CSMD3: variants seen among roughly 807,000 people sequenced by gnomAD.
The protein encoded by CSMD3 is CUB and Sushi multiple domains 3, also known as CUB and sushi domain-containing protein 3.
CSMD3 carries 177 observed loss-of-function variants against 435.2 expected under a neutral mutation model. The ratio of observed to expected loss-of-function variants is 0.41; its 90% CI spans 0.36 to 0.46. The LOEUF (loss-of-function observed/expected upper bound fraction) is 0.46. Among genes scored for constraint, CSMD3 ranks in the 20% least tolerant of loss-of-function variants. CSMD3 has a pLI of 0.34. For missense variants in CSMD3, 4,265 were observed against 4,504.6 expected, an observed-to-expected ratio of 0.95 and a Z score of 1.52; for synonymous variants, 1,656 against 1,520.5, an observed-to-expected ratio of 1.09 and a Z score of -2.07.
At chr8:113,366,349 T>C (rs1398054999) in intron 1 of CSMD3, among the ~76,000 whole-genome samples, 1 of 151,974 alleles carries the variant, frequency 6.6e-6, no homozygotes, top group Non-Finnish European at 1.5e-5. Flanking sequence ...ACATTCATTT[T>C]GCTTCTATAG....
chr8:113,358,168 T>C (rs2094245689), intron 1 of CSMD3, among the ~76,000 whole-genome samples: 1 of 152,202 alleles, frequency 6.6e-6, no homozygotes, highest in Admixed American at 6.5e-5. Flanking sequence ...AATAGCACAA[T>C]ACCTAAATGA....
intron 61 of CSMD3, among the ~76,000 whole-genome samples, chr8:112,258,559 A>T (rs1185095364): frequency 2.0e-5 from 3 of 152,212 alleles, no homozygotes; most frequent in Admixed American, 2.0e-4. Flanking sequence ...GAGAAATGCA[A>T]CTCAAAACCA....
intron 13 of CSMD3, among the ~76,000 whole-genome samples, chr8:112,792,103 C>A (rs1366929785): frequency 6.6e-6 from 1 of 152,108 alleles, no homozygotes; most frequent in African/African-American, 2.4e-5. Flanking sequence ...AAATATGTTT[C>A]TGCAAATATT....
intron 16 of CSMD3, among the ~76,000 whole-genome samples, chr8:112,679,906 C>T (rs1340081823): frequency 2.6e-5 from 4 of 152,170 alleles, no homozygotes; most frequent in African/African-American, 9.7e-5. Context: ...TTTGGAGCTA[C>T]TTAGCATTAT....
chr8:112,762,621 C>G (rs2077869152), intron 13 of CSMD3, among the ~76,000 whole-genome samples: 1 of 151,850 alleles, frequency 6.6e-6, no homozygotes, highest in African/African-American at 2.4e-5. Flanking sequence ...GAATAGATTA[C>G]ATGAAATAAA....
intron 13 of CSMD3, among the ~76,000 whole-genome samples, chr8:112,738,296 G>T (rs951393325): frequency 1.3e-5 from 2 of 151,718 alleles, no homozygotes; most frequent in Admixed American, 6.6e-5. Flanking sequence ...GTGGTGGAAT[G>T]TCAAAGACGC....
At chr8:113,249,848 A>AC (rs1047373648) in intron 3 of CSMD3, among the ~76,000 whole-genome samples, 28 of 152,164 alleles carry the variant, frequency 1.8e-4, no homozygotes, top group African/African-American at 6.0e-4. Flanking sequence ...GAAAAAAAAA[A>AC]ACAACAATTT....
intron 1 of CSMD3, among the ~76,000 whole-genome samples, chr8:113,374,848 C>CAAAAAAAAAAAAAAA (rs1491428482): frequency 1.5e-5 from 1 of 64,578 alleles, no homozygotes; most frequent in African/African-American, 4.9e-5. Flanking sequence ...AAAAAAAAAA[C>CAAAAAAAAAAAAAAA]CAATAAAATG....
chr8:113,340,417 A>G (rs2094110381), intron 1 of CSMD3, among the ~76,000 whole-genome samples: 1 of 152,166 alleles, frequency 6.6e-6, no homozygotes, highest in Non-Finnish European at 1.5e-5. Flanking sequence ...ATTCATTTAG[A>G]GTAACCTACA....
intron 3 of CSMD3, among the ~76,000 whole-genome samples, chr8:113,267,792 C>T (rs79902625): frequency 0.066 from 10,007 of 151,492 alleles, 448 homozygotes; most frequent in Non-Finnish European, 0.094. Flanking sequence ...AGATTTCACA[C>T]GTATCTCATG....
intron 1 of CSMD3, among the ~76,000 whole-genome samples, chr8:113,431,717 T>TG (rs1372157482): frequency 1.3e-5 from 2 of 150,054 alleles, no homozygotes; most frequent in East Asian, 3.9e-4. Flanking sequence ...AGGTCAGAGT[T>TG]TTTTTTTTTC....
intron 17 of CSMD3, among the ~76,000 whole-genome samples, chr8:112,662,742 C>G (rs1345216636): frequency 1.3e-5 from 2 of 152,002 alleles, no homozygotes; most frequent in African/African-American, 2.4e-5. Flanking sequence ...AGGCAACCTA[C>G]AGAATGGGAG....
At chr8:112,739,248 C>T (rs2077250960) in intron 13 of CSMD3, among the ~76,000 whole-genome samples, 1 of 151,648 alleles carries the variant, frequency 6.6e-6, no homozygotes, top group South Asian at 2.1e-4. Flanking sequence ...TTCTAATTCT[C>T]TCCTTAATAT....
At position 112,224,613 on chromosome 8, in the gene CSMD3, G is replaced by A; in HGVS notation, c.*158C>T. 1.3e-6 allele frequency: 1 copy of A among 747,422 alleles called. No homozygotes were observed. The highest frequency in any genetic ancestry group is 2.4e-6 in the Non-Finnish European group (1 of 423,470). The allele number at this position is 747,422 out of a possible 1,614,324, so 46.3% of individuals were successfully genotyped here. ...TCCATGGTAAACATGAAGAATTATG[G>A]TCCAGTTTATGAAAAAACACTCTTC... On this transcript the variant is annotated 3_prime_UTR_variant, in exon 71 of 71. Transcript: ENST00000297405.
intron 30 of CSMD3, among the ~76,000 whole-genome samples, chr8:112,492,899 T>C (rs750416123): frequency 8.3e-5 from 6 of 72,608 alleles, no homozygotes; most frequent in Non-Finnish European, 1.4e-4. Flanking sequence ...ATATCCTGTA[T>C]TATTAGTAAT....
intron 5 of CSMD3, among the ~76,000 whole-genome samples, chr8:113,077,193 T>C (rs2089376819): frequency 1.3e-5 from 2 of 152,124 alleles, no homozygotes; most frequent in South Asian, 4.1e-4. Context: ...GACTGTGATA[T>C]CATACTATAG....
At chr8:113,020,171 A>G (rs1202372206) in intron 5 of CSMD3, among the ~76,000 whole-genome samples, 1 of 28,326 alleles carries the variant, frequency 3.5e-5, no homozygotes, top group Admixed American at 6.5e-4. Context: ...CTCCGTCTCA[A>G]AAAAAAAAAA....
chr8:112,937,170 C>A (rs560028094), intron 9 of CSMD3, among the ~76,000 whole-genome samples: 106 of 152,148 alleles, frequency 7.0e-4, no homozygotes, highest in African/African-American at 2.6e-3. Flanking sequence ...GATAACATAG[C>A]TGGAGGAGAT....
chr8:112,523,299 T>C (rs1207306306), intron 27 of CSMD3, among the ~76,000 whole-genome samples: 1 of 152,008 alleles, frequency 6.6e-6, no homozygotes, highest in African/African-American at 2.4e-5. Flanking sequence ...GAATATTTCA[T>C]CTGCTTTATT....
Sources: gnomAD v4.1 joint callset for allele counts (sites outside exome capture counted in the v4.1 genomes callset) on GRCh38, gnomAD v4.1.1 for gene constraint, MANE v1.5 for transcripts, NCBI Gene and HGNC (gene_info 2026-07-23, HGNC 2026-07-21) for gene names.